The following P3H3 variants were observed in gnomAD, a reference collection of about 807,000 sequenced individuals.
The protein encoded by P3H3 is gene rich cluster, B.
P3H3 carries 64 observed loss-of-function variants against 78.1 expected under a neutral mutation model. The ratio of observed to expected loss-of-function variants is 0.82; its 90% confidence interval spans 0.67 to 1.01. The LOEUF (loss-of-function observed/expected upper bound fraction) is 1.01, where lower values mean the gene tolerates loss of function less well. Among genes scored for constraint, P3H3 ranks in the 50% least tolerant of loss-of-function variants. P3H3 has a pLI of 0.00. For missense variants in P3H3, 975 were observed against 982.2 expected (o/e 0.99, Z 0.10); for synonymous variants, 425 against 416.7 (o/e 1.02, Z -0.24).
Position 6,838,009 on chromosome 12 carries a change from G to A in P3H3, c.1881G>A (p.Thr627=), listed in dbSNP as rs1042120727. ...DDFQGGDLFF[T]EPNALTVTAR... ...TCCAGGGTGGGGACCTGTTCTTCAC[G>A]GAGCCCAACGCCCTCACTGTCACGG... is the stretch of plus-strand genomic sequence containing the variant. The change falls in exon 13 of 15, where the codon ACG becomes ACA. Residue 627 remains threonine (T), a synonymous_variant. Transcript: ENST00000290510. The A allele has an allele frequency of 5.0e-6, 8 of 1,607,486 alleles. No individual in the cohort carries two copies. Among genetic ancestry groups the A allele is most frequent in the African/African-American group, 1.3e-5 (1 of 74,810 alleles).
chr12:6,832,027 G>T, intron 6 of P3H3, 113 bp downstream of exon 6: 1 of 678,482 alleles, frequency 1.5e-6, no homozygotes. Flanking sequence ...AGAAGAGTCT[G>T]CCATCCCAGT....
Position 6,837,788 on chromosome 12 carries a change from C to T in P3H3, c.1768C>T (p.Leu590=). 1 of 1,613,490 alleles carries T rather than the reference C, an allele frequency of 6.2e-7. No individual in the cohort carries two copies. Among genetic ancestry groups the T allele is most frequent in the Non-Finnish European group, 8.5e-7 (1 of 1,179,714 alleles). ...CCCAGTGCACGCAGACAACTGCGTC[C>T]TGGACCCTGACACGGGAGAGTGCTG... is the stretch of plus-strand genomic sequence containing the variant. ...SHPVHADNCV[L]DPDTGECWRE... Residue 590 remains leucine (L), a synonymous_variant, in exon 12 of 15, where the codon CTG becomes TTG. Coordinates refer to ENST00000290510, the MANE Select transcript of P3H3 (RefSeq NM_014262.5).
At position 6,829,442 on chromosome 12, in the gene P3H3, C is replaced by T. The variant is rs1943423052; in HGVS notation, c.499-417C>T. ...CACGCCGCAGCCGCCGGTACCGCAG[C>T]AGTTGCCTACGTGGCTGGGGAAGCG... On this transcript the variant is annotated intron_variant, in intron 1 of 14. Coordinates refer to ENST00000290510, the MANE Select transcript of P3H3 (RefSeq NM_014262.5). The surrounding 1 kb of genome is among the most constrained non-coding windows in gnomAD (Gnocchi z 5.1). 2 of 241,148 alleles carry T rather than the reference C, an allele frequency of 8.3e-6. No individual in the cohort carries two copies. Among genetic ancestry groups the T allele is most frequent in the South Asian group, 5.3e-5 (1 of 19,006 alleles). 14.9% of individuals were successfully genotyped at this position (241,148 alleles called of 1,614,324 possible).
At position 6,831,469 on chromosome 12, in the gene P3H3, A is replaced by G. The variant is rs1943450557; in HGVS notation, c.1122+117A>G. ...CTTACCCGAGCACTCTAGTCACCCA[A>G]AGGACTCCAAGTCCAGCATCTGACT... On this transcript the variant is annotated intron_variant, in intron 5 of 14. Coordinates refer to ENST00000290510, the MANE Select transcript of P3H3 (RefSeq NM_014262.5). This position sits in a 1 kb window ranked among gnomAD's most constrained non-coding sequence, Gnocchi z 4.6. 3 of 1,368,640 alleles carry G rather than the reference A, an allele frequency of 2.2e-6. No homozygotes were observed. Among genetic ancestry groups the G allele is most frequent in the South Asian group, 2.7e-5 (2 of 74,372 alleles). The allele number at this position is 1,368,640 out of a possible 1,614,324, so 84.8% of individuals were successfully genotyped here.
chr12:6,833,988 G>A lies in P3H3; in HGVS notation c.1397G>A (p.Arg466Gln), dbSNP rs185812485. Residue 466 changes from arginine to glutamine, a missense_variant, in exon 9 of 15, where the codon CGG becomes CAG. Transcript: ENST00000290510. ...TCCAGGCAGCTGAATGGGTCGGAGC[G>A]GGCGGTGTTGGATGGGCTGCTCACC... ...QDSRQLNGSE[R>Q]AVLDGLLTPA... 99 of 1,613,852 alleles carry A rather than the reference G, an allele frequency of 6.1e-5. No homozygotes were observed. In the East Asian group the frequency reaches 1.9e-3, roughly 31 times the overall value.
At position 6,828,635 on chromosome 12, in the gene P3H3, G is replaced by GAGCCAGGCGGCGCTGGGC; in HGVS notation, c.196_213dup (p.Ser66_Gly71dup). On this transcript the variant is annotated inframe_insertion, in exon 1 of 15. Transcript: ENST00000290510. ...TGGCGCTGCTGCGGGAGGCGCTGCG[G>GAGCCAGGCGGCGCTGGGC]AGCCAGGCGGCGCTGGGCCGGGTGC... 8.2e-7 allele frequency: 1 copy of GAGCCAGGCGGCGCTGGGC among 1,215,854 alleles called. No homozygotes were observed. The highest frequency in any genetic ancestry group is 1.0e-6 in the Non-Finnish European group (1 of 978,320). 75.3% of individuals were successfully genotyped at this position (1,215,854 alleles called of 1,614,324 possible).
intron 13 of P3H3, 136 bp from the exon 14 acceptor site, chr12:6,838,864 T>G (rs4963516): frequency 0.15 from 97,537 of 648,778 alleles, 8,443 homozygotes; most frequent in East Asian, 0.31. Flanking sequence ...AGCTAGTCCC[T>G]GAATTAAGGA....
chr12:6,838,955 T>G (rs1943528968), intron 13 of P3H3, 45 bp from the exon 14 acceptor site: 10 of 1,523,550 alleles, frequency 6.6e-6, no homozygotes, highest in Middle Eastern at 1.8e-4. Flanking sequence ...CCAAGTTCTC[T>G]GAGAGAGCCA....
At position 6,831,208 on chromosome 12, in the gene P3H3, C is replaced by T. The variant is rs899253026; in HGVS notation, c.986-8C>T. 4 of 1,613,708 alleles carry T rather than the reference C, an allele frequency of 2.5e-6. No homozygotes were observed. Among genetic ancestry groups the T allele is most frequent in the African/African-American group, 1.3e-5 (1 of 74,884 alleles). On this transcript the variant is annotated splice_region_variant and splice_polypyrimidine_tract_variant and intron_variant, in intron 4 of 14. Coordinates refer to ENST00000290510, the MANE Select transcript of P3H3 (RefSeq NM_014262.5). This position sits in a 1 kb window ranked among gnomAD's most constrained non-coding sequence, Gnocchi z 4.6. ...CCCCAACCCCTGACCTTGTCGCTCC[C>T]TCTCCAGTGGGCAATCTGTCCCAGG...
chr12:6,834,116 C>A, intron 9 of P3H3, 67 bp downstream of exon 9: 1 of 1,598,122 alleles, frequency 6.3e-7, no homozygotes, highest in South Asian at 1.1e-5. Flanking sequence ...TTCCCTTGCT[C>A]TTGGCCTGCC....
At chr12:6,833,282 A>G (rs1049316032) in intron 6 of P3H3, 6 of 387,906 alleles carry the variant, frequency 1.5e-5, no homozygotes, top group African/African-American at 8.0e-5. Context: ...AGGGCTCTCA[A>G]TTACAAAATG....
Position 6,830,479 on chromosome 12 carries a change from C to A in P3H3, c.778C>A (p.Pro260Thr). ...GAGCTGCCGTGCTGACTGTGAGGGG[C>A]CTGAGGAGCAGCAGGGGGCTGAAGA... ...MESCRADCEG[P>T]EEQQGAEEEE... Residue 260 changes from proline to threonine, a missense_variant, in exon 3 of 15, where the codon CCT becomes ACT. By Grantham distance (38) the Pro-to-Thr change is conservative. Transcript: ENST00000290510. 6.3e-7 allele frequency: 1 copy of A among 1,587,350 alleles called. No homozygotes were observed. Among genetic ancestry groups the A allele is most frequent in the Non-Finnish European group, 8.6e-7 (1 of 1,167,726 alleles).
chr12:6,836,943 G>C (rs782456247), intron 9 of P3H3, 42 bp from the exon 10 acceptor site: 2 of 1,476,682 alleles, frequency 1.4e-6, no homozygotes, highest in Non-Finnish European at 1.9e-6. Flanking sequence ...AGACAGTGAG[G>C]GGCTGGGGGA....
At position 6,830,643 on chromosome 12, in the gene P3H3, C is replaced by G. The variant is rs1210067355; in HGVS notation, c.858C>G (p.His286Gln). The change falls in exon 4 of 15, where the codon CAC (histidine) becomes CAG (glutamine). Residue 286 changes from histidine to glutamine, a missense_variant. Transcript: ENST00000290510. ...GCTTATGGGTTTCCTCTGCAGGACA[C>G]TGGATTCAGGTCCTGCAGTGCCGGC... ...QGGLYEAIAG[H>Q]WIQVLQCRQR... 2 of 1,611,486 alleles carry G rather than the reference C, an allele frequency of 1.2e-6. No individual in the cohort carries two copies. Among genetic ancestry groups the G allele is most frequent in the Admixed American group, 3.4e-5 (2 of 59,582 alleles).
At chr12:6,828,974 C>A in intron 1 of P3H3, 36 bp downstream of exon 1, 1 of 1,115,222 alleles carries the variant, frequency 9.0e-7, no homozygotes, top group Non-Finnish European at 1.1e-6. Context: ...AGGGTCCCAG[C>A]CCTCACCACG....
chr12:6,829,452 C>A lies in P3H3; in HGVS notation c.499-407C>A, dbSNP rs782533501. The A allele has an allele frequency of 3.0e-5, 7 of 237,112 alleles. No individual in the cohort carries two copies. In the East Asian group the frequency reaches 7.2e-4, roughly 24 times the overall value. 14.7% of individuals were successfully genotyped at this position (237,112 alleles called of 1,614,324 possible). A position where few individuals can be genotyped will look rare whatever the true frequency, so the allele number is the denominator to read the frequency against. The stretch of plus-strand genomic sequence containing the variant: ...CCGCCGGTACCGCAGCAGTTGCCTA[C>A]GTGGCTGGGGAAGCGGGGCGCCGGT... On this transcript the variant is annotated intron_variant, in intron 1 of 14. Transcript: ENST00000290510. The surrounding 1 kb of genome is among the most constrained non-coding windows in gnomAD (Gnocchi z 5.1).
At position 6,829,892 on chromosome 12, in the gene P3H3, C is replaced by T. The variant is rs2137957523; in HGVS notation, c.532C>T (p.His178Tyr). 6.2e-7 allele frequency: 1 copy of T among 1,614,062 alleles called. No individual in the cohort carries two copies. Among genetic ancestry groups the T allele is most frequent in the East Asian group, 2.2e-5 (1 of 44,892 alleles). Residue 178 changes from histidine (H) to tyrosine (Y), a missense_variant, in exon 2 of 15, where the codon CAC (histidine) becomes TAC (tyrosine). Physicochemically the swap from His to Tyr is moderately conservative, Grantham distance 83 (BLOSUM62 2). Transcript: ENST00000290510. This position sits in a 1 kb window ranked among gnomAD's most constrained non-coding sequence, Gnocchi z 5.1. ...KKLDLAAAAA[H>Y]TFFVANPMHL... ...GCTGGATCTGGCAGCTGCGGCAGCACACACCTTCTTTGTAGCAAACCCCAT... is the reference window on the plus strand; with the variant it reads ...GCTGGATCTGGCAGCTGCGGCAGCATACACCTTCTTTGTAGCAAACCCCAT...
Position 6,839,421 on chromosome 12 carries a change from A to G in P3H3, c.2171A>G (p.Asp724Gly). Residue 724 changes from aspartate (D) to glycine (G), a missense_variant, in exon 15 of 15, where the codon GAC becomes GGC. Asp to Gly is a moderately conservative substitution (Grantham distance 94). Transcript: ENST00000290510. Reference sequence around the variant, plus strand: ...AGCCGCAGGCACCAGAGGGTCCAAGACAAGACTGGAAGGGCACCTCGGGTT... The same window carrying G: ...AGCCGCAGGCACCAGAGGGTCCAAGGCAAGACTGGAAGGGCACCTCGGGTT... ...PPSRRHQRVQ[D>G]KTGRAPRVRE... The G allele has an allele frequency of 6.4e-7, 1 of 1,551,868 alleles. No homozygotes were observed. The highest frequency in any genetic ancestry group is 8.7e-7 in the Non-Finnish European group (1 of 1,147,106).
rs1420066141 is a variant in P3H3 at position 6,839,474 on chromosome 12, G to C, written c.*13G>C. On this transcript the variant is annotated 3_prime_UTR_variant, in exon 15 of 15. Coordinates refer to ENST00000290510, the MANE Select transcript of P3H3 (RefSeq NM_014262.5). The stretch of plus-strand genomic sequence containing the variant: ...GGAGGAGCTGTGAGTGGCTGAGCCA[G>C]CTCCTTGAGGATGTGGCCACTTGAC... 1.3e-6 allele frequency: 2 copies of C among 1,549,156 alleles called. No individual in the cohort carries two copies. Among genetic ancestry groups the C allele is most frequent in the Non-Finnish European group, 1.7e-6 (2 of 1,146,306 alleles).
Sources: allele counts gnomAD v4.1 joint callset, GRCh38; gene constraint gnomAD v4.1.1; non-coding constraint Gnocchi (gnomAD v3.1); transcripts MANE v1.5; gene names NCBI Gene and HGNC (gene_info 2026-07-23, HGNC 2026-07-21).